The following ADAMTSL1 variants were observed in gnomAD, a reference collection of about 807,000 sequenced individuals.
ADAMTSL1 encodes ADAMTS like 1.
Under a neutral mutation model 201.8 loss-of-function variants are expected in ADAMTSL1, and 126 were observed. The ratio of observed to expected loss-of-function variants is 0.62; its 90% confidence interval spans 0.54 to 0.72. The LOEUF is 0.72. Ranked by LOEUF, ADAMTSL1 falls within the 30% of genes least tolerant of loss-of-function variation. The pLI, the probability that ADAMTSL1 is intolerant of heterozygous loss-of-function variation, is 0.00. For synonymous variants in ADAMTSL1, 1,121 were observed against 903.4 expected, an observed-to-expected ratio of 1.24 and a Z score of -4.32; for missense variants, 2,679 against 2,277.8, an observed-to-expected ratio of 1.18 and a Z score of -3.59.
chr9:18,687,780 A>G (rs1309959580), intron 13 of ADAMTSL1, among the ~76,000 whole-genome samples: 2 of 152,236 alleles, frequency 1.3e-5, no homozygotes, highest in Non-Finnish European at 2.9e-5. Context: ...TTAGAAGAAA[A>G]CAATGATAAA....
At chr9:18,061,630 C>T (rs1241711702) in intron 1 of ADAMTSL1, among the ~76,000 whole-genome samples, 1 of 152,126 alleles carries the variant, frequency 6.6e-6, no homozygotes, top group African/African-American at 2.4e-5. Flanking sequence ...GTTAGATGCC[C>T]CCAGAGAAGC....
At chr9:18,620,848 T>C (rs749931154) in intron 4 of ADAMTSL1, among the ~76,000 whole-genome samples, 2 of 152,256 alleles carry the variant, frequency 1.3e-5, no homozygotes, top group Non-Finnish European at 2.9e-5. Context: ...TGTTCATCTA[T>C]TTTTAAAAGA....
At chr9:18,645,704 T>A (rs71476278) in intron 7 of ADAMTSL1, among the ~76,000 whole-genome samples, 1 of 147,810 alleles carries the variant, frequency 6.8e-6, no homozygotes, top group Non-Finnish European at 1.5e-5. Flanking sequence ...GTTGTAGATA[T>A]GCAGCATTAT....
intron 2 of ADAMTSL1, among the ~76,000 whole-genome samples, chr9:18,304,448 ATAGCAAAACCTGGTTTTGCTATT>A (rs1005061643): frequency 6.6e-6 from 1 of 152,180 alleles, no homozygotes; most frequent in East Asian, 1.9e-4. Context: ...TGATATTAAA[ATAGCAAAACCTGGTTTTGCTATT>A]TTGCAAAACC....
At chr9:18,293,609 C>T (rs1279427507) in intron 2 of ADAMTSL1, among the ~76,000 whole-genome samples, 1 of 152,122 alleles carries the variant, frequency 6.6e-6, no homozygotes, top group South Asian at 2.1e-4. Flanking sequence ...TCAGGCCATA[C>T]CAGAGTAAGC....
At chr9:18,890,988 A>T (rs1325473382) in intron 25 of ADAMTSL1, among the ~76,000 whole-genome samples, 2 of 152,138 alleles carry the variant, frequency 1.3e-5, no homozygotes, top group East Asian at 3.8e-4. Context: ...GGAGTTTTTA[A>T]ACACCTCTTG....
intron 1 of ADAMTSL1, among the ~76,000 whole-genome samples, chr9:18,076,839 G>A (rs187653531): frequency 9.1e-4 from 139 of 152,160 alleles, no homozygotes; most frequent in African/African-American, 3.1e-3. Context: ...AGTGTGGCTT[G>A]GCAGAAAATA....
At chr9:18,896,038 T>C (rs113812637) in intron 26 of ADAMTSL1, among the ~76,000 whole-genome samples, 4,363 of 150,282 alleles carry the variant, frequency 0.029, 129 homozygotes, top group South Asian at 0.14. Context: ...TGAAGATAGA[T>C]AGGCCAATAA....
At chr9:18,831,253 TATATCTTGTTGATCAGAATTA>T (rs1200381071) in intron 23 of ADAMTSL1, among the ~76,000 whole-genome samples, 1 of 152,248 alleles carries the variant, frequency 6.6e-6, no homozygotes, top group East Asian at 1.9e-4. Flanking sequence ...TGAGTTTTTC[TATATCTTGTTGATCAGAATTA>T]ATAGAAGCTT....
chr9:18,488,001 A>T lies in ADAMTSL1; in HGVS notation c.63+13706A>T, dbSNP rs561242409. Among the ~76,000 whole-genome samples the T allele has an allele frequency of 3.9e-5, 6 of 152,356 alleles. No individual in the cohort carries two copies. The South Asian group carries it at 1.2e-3, about 32-fold the overall frequency. On this transcript the variant is annotated intron_variant, in intron 1 of 28. Coordinates refer to ENST00000380548, the MANE Select transcript of ADAMTSL1 (RefSeq NM_001040272.6). ...TTTTTAAAAGGGTTCGTAATGGCAT[A>T]TAAAATAGGAATGTCACTTCAGTCT...
chr9:18,621,558 AC>A (rs1292674864), intron 4 of ADAMTSL1, among the ~76,000 whole-genome samples: 1 of 34,258 alleles, frequency 2.9e-5, no homozygotes, highest in Non-Finnish European at 6.6e-5. Context: ...GTCCTCTTCC[AC>A]ACACACACAC....
chr9:18,614,826 T>A (rs1825599976), intron 4 of ADAMTSL1, among the ~76,000 whole-genome samples: 1 of 152,194 alleles, frequency 6.6e-6, no homozygotes, highest in Admixed American at 6.5e-5. Context: ...CCAAGGGTAT[T>A]GGAACAACAA....
chr9:18,285,491 T>A (rs2132649892), intron 2 of ADAMTSL1, among the ~76,000 whole-genome samples: 1 of 152,294 alleles, frequency 6.6e-6, no homozygotes, highest in Non-Finnish European at 1.5e-5. Flanking sequence ...CTGCAGTTTA[T>A]TAGTTTCTAG....
rs1472783115 is a variant in ADAMTSL1, at chr9:18,706,862, A to G, written c.1690A>G (p.Ile564Val). ...CTCTCAGTCCGTGGCTGACCTGCCT[A>G]TTGACGAGTGTGAAGGGCCCAAGCC... ...SFSQSVADLP[I>V]DECEGPKPAS... The change falls in exon 14 of 29, where the codon ATT becomes GTT. Residue 564 changes from isoleucine (I) to valine (V), a missense_variant. Ile to Val is a conservative substitution (Grantham distance 29). Transcript: ENST00000380548. 2 of 1,613,604 alleles carry G rather than the reference A, an allele frequency of 1.2e-6. No individual in the cohort carries two copies. The highest frequency in any genetic ancestry group is 2.2e-5 in the East Asian group (1 of 44,852).
At chr9:18,731,944 G>T (rs1487124221) in intron 15 of ADAMTSL1, among the ~76,000 whole-genome samples, 3 of 152,144 alleles carry the variant, frequency 2.0e-5, no homozygotes, top group East Asian at 3.9e-4. Context: ...CAACATTAGG[G>T]ATTATATTTC....
At chr9:18,043,654 C>T (rs1448579788) in intron 1 of ADAMTSL1, among the ~76,000 whole-genome samples, 1 of 151,986 alleles carries the variant, frequency 6.6e-6, no homozygotes, top group Non-Finnish European at 1.5e-5. Context: ...GGGCAGAAGA[C>T]TACATTTGGC....
chr9:18,909,373 G>C lies in ADAMTSL1; in HGVS notation c.*825G>C, dbSNP rs1392205695. On this transcript the variant is annotated 3_prime_UTR_variant, in exon 29 of 29. Transcript: ENST00000380548. The stretch of plus-strand genomic sequence containing the variant: ...CAACAGAGCACTGCGCTGCGTGGGA[G>C]TCCCCACTTCCCAAGCTATCAGAGT... 6.6e-6 allele frequency: 1 copy of C among 152,302 alleles called. No individual in the cohort carries two copies. Among genetic ancestry groups the C allele is most frequent in the African/African-American group, 2.4e-5 (1 of 41,462 alleles). 9.4% of individuals were successfully genotyped at this position (152,302 alleles called of 1,614,324 possible). A position where few individuals can be genotyped will look rare whatever the true frequency, so the allele number is the denominator to read the frequency against.
At chr9:18,850,731 T>C (rs1453281477) in intron 23 of ADAMTSL1, among the ~76,000 whole-genome samples, 1 of 152,204 alleles carries the variant, frequency 6.6e-6, no homozygotes, top group African/African-American at 2.4e-5. Context: ...AGGTAAATTC[T>C]AGCCCCAGTC....
intron 23 of ADAMTSL1, among the ~76,000 whole-genome samples, chr9:18,838,219 C>T (rs769707440): frequency 6.6e-6 from 1 of 152,036 alleles, no homozygotes; most frequent in Non-Finnish European, 1.5e-5. Context: ...TCATGAGACT[C>T]ATTCATTATC....
Sources: allele counts gnomAD v4.1 joint callset (sites outside exome capture counted in the v4.1 genomes callset), GRCh38; gene constraint gnomAD v4.1.1; transcripts MANE v1.5; gene names NCBI Gene and HGNC (gene_info 2026-07-23, HGNC 2026-07-21).